Variants in SAE1 observed in about 807,000 individuals in gnomAD.
SAE1 encodes SUMO1 activating enzyme subunit 1, also known as SUMO-activating enzyme subunit 1.
Under a neutral mutation model 40.6 loss-of-function variants are expected in SAE1, and 11 were observed. The observed-to-expected ratio is 0.27, with a 90% CI of 0.17 to 0.45. SAE1 has a LOEUF of 0.45. Ranked by LOEUF, SAE1 falls within the 20% of genes least tolerant of loss-of-function variation. The pLI, the probability that SAE1 is intolerant of heterozygous loss-of-function variation, is 1.00. For synonymous variants in SAE1, 155 were observed against 154.3 expected, an observed-to-expected ratio of 1.00 and a Z score of -0.03; for missense variants, 373 against 427.3, an observed-to-expected ratio of 0.87 and a Z score of 1.12.
chr19:47,193,495 G>A (rs1600208429), intron 6 of SAE1, among the ~76,000 whole-genome samples: 2 of 152,074 alleles, frequency 1.3e-5, no homozygotes, highest in South Asian at 4.1e-4. Context: ...TGGGTGTTCT[G>A]GAGCTTTTTT....
intron 7 of SAE1, among the ~76,000 whole-genome samples, chr19:47,201,398 G>A: frequency 1.1e-5 from 1 of 90,580 alleles, no homozygotes; most frequent in Non-Finnish European, 1.9e-5. Context: ...TTGAATCAGA[G>A]TCTTGCTGTG....
chr19:47,143,057 T>C lies in SAE1; in HGVS notation c.99-437T>C, dbSNP rs1159830272. On this transcript the variant is annotated intron_variant, in intron 1 of 8. Transcript: ENST00000270225. The stretch of plus-strand genomic sequence containing the variant: ...TTTGTGCAGTATGGATTAGAGCCTG[T>C]CTCTTTCCTAGATTCGAGGTGTGAT... Among the ~76,000 whole-genome samples, 3 of 152,180 alleles carry C rather than the reference T, an allele frequency of 2.0e-5. No individual in the cohort carries two copies. In the East Asian group the frequency reaches 5.8e-4, roughly 29 times the overall value.
At chr19:47,146,029 A>G (rs192526228) in intron 2 of SAE1, among the ~76,000 whole-genome samples, 6 of 40,292 alleles carry the variant, frequency 1.5e-4, no homozygotes, top group Admixed American at 1.5e-3. Flanking sequence ...ATCTGAGCTA[A>G]GTCTTAAAGA....
chr19:47,147,597 C>T (rs1434516740), intron 2 of SAE1, among the ~76,000 whole-genome samples: 1 of 150,222 alleles, frequency 6.7e-6, no homozygotes, highest in Non-Finnish European at 1.5e-5. Context: ...GGATTACAGG[C>T]GTGTGCCACC....
chr19:47,154,112 C>T (rs372406837), intron 4 of SAE1, among the ~76,000 whole-genome samples: 4 of 151,534 alleles, frequency 2.6e-5, no homozygotes, highest in Middle Eastern at 3.4e-3. Flanking sequence ...ATTTTTGAGA[C>T]GGAGTTTTGC....
At chr19:47,138,682 A>G (rs1272835561) in intron 1 of SAE1, among the ~76,000 whole-genome samples, 3 of 152,100 alleles carry the variant, frequency 2.0e-5, no homozygotes, top group Non-Finnish European at 4.4e-5. Flanking sequence ...GGGGCAGTAA[A>G]CATATAAACA....
At chr19:47,167,458 T>G (rs1226896208) in intron 5 of SAE1, among the ~76,000 whole-genome samples, 4 of 151,760 alleles carry the variant, frequency 2.6e-5, no homozygotes, top group African/African-American at 9.7e-5. Context: ...GCCAGGATGG[T>G]CTCGATCTCC....
At chr19:47,138,545 G>A (rs1245679285) in intron 1 of SAE1, among the ~76,000 whole-genome samples, 8 of 152,226 alleles carry the variant, frequency 5.3e-5, no homozygotes, top group Non-Finnish European at 8.8e-5. Flanking sequence ...TCTGCTGATG[G>A]ACACAGGTTT....
At chr19:47,136,547 G>A (rs925096159) in intron 1 of SAE1, among the ~76,000 whole-genome samples, 16 of 142,986 alleles carry the variant, frequency 1.1e-4, no homozygotes, top group African/African-American at 4.2e-4. Context: ...CCAGACTGGA[G>A]TATGGTGGCG....
chr19:47,145,667 G>A (rs1319392015), intron 2 of SAE1, among the ~76,000 whole-genome samples: 1 of 152,070 alleles, frequency 6.6e-6, no homozygotes, highest in Admixed American at 6.6e-5. Context: ...TGCAACCTCT[G>A]CCTCCCGGGT....
At position 47,180,551 on chromosome 19, in the gene SAE1, A is replaced by C. The variant is rs1045912216; in HGVS notation, c.733+10628A>C. ...TTTCCTTATCAGATGCTTTTATGCTATGCCTGGTGGCTCACCCCTATAAAT... is the reference window on the plus strand; with the variant it reads ...TTTCCTTATCAGATGCTTTTATGCTCTGCCTGGTGGCTCACCCCTATAAAT... On this transcript the variant is annotated intron_variant, in intron 6 of 8. Coordinates refer to ENST00000270225, the MANE Select transcript of SAE1 (RefSeq NM_005500.3). Among the ~76,000 whole-genome samples the C allele has an allele frequency of 6.6e-5, 10 of 152,160 alleles. No homozygotes were observed. The South Asian group carries it at 1.7e-3, about 25-fold the overall frequency.
At chr19:47,188,552 G>A (rs1025747863) in intron 6 of SAE1, among the ~76,000 whole-genome samples, 4 of 152,182 alleles carry the variant, frequency 2.6e-5, no homozygotes, top group African/African-American at 4.8e-5. Context: ...TTTCTAGGGC[G>A]AGTGTGAGCT....
chr19:47,197,577 A>G (rs1248595836), intron 7 of SAE1, among the ~76,000 whole-genome samples, 200 bp downstream of exon 7: 4 of 152,326 alleles, frequency 2.6e-5, no homozygotes, highest in South Asian at 2.1e-4. Flanking sequence ...GATTTTTACA[A>G]TAAGTATCTT....
At chr19:47,153,078 C>A in intron 4 of SAE1, 38 bp downstream of exon 4, 1 of 1,529,626 alleles carries the variant, frequency 6.5e-7, no homozygotes, top group Non-Finnish European at 8.8e-7. Context: ...ATAACATTTT[C>A]TCCTTTTTAT....
At chr19:47,192,341 C>G (rs564118031) in intron 6 of SAE1, among the ~76,000 whole-genome samples, 1 of 152,082 alleles carries the variant, frequency 6.6e-6, no homozygotes, top group Admixed American at 6.5e-5. Flanking sequence ...ACCTCTGCCT[C>G]CTGGGTTTGA....
intron 2 of SAE1, among the ~76,000 whole-genome samples, chr19:47,147,232 C>T (rs55801246): frequency 0.14 from 13,780 of 98,228 alleles, 1,012 homozygotes; most frequent in Middle Eastern, 0.28. Flanking sequence ...TTTTTTGAGG[C>T]AGTCTCACTG....
intron 6 of SAE1, among the ~76,000 whole-genome samples, chr19:47,177,557 G>A (rs2058477883): frequency 6.6e-6 from 1 of 152,074 alleles, no homozygotes; most frequent in Admixed American, 6.6e-5. Flanking sequence ...GATTGGGGCA[G>A]GGAGGTCTTG....
chr19:47,158,264 G>A (rs2058336005), intron 5 of SAE1, among the ~76,000 whole-genome samples: 1 of 152,180 alleles, frequency 6.6e-6, no homozygotes, highest in African/African-American at 2.4e-5. Flanking sequence ...AAAACAGCCT[G>A]TGGTTTTCAC....
chr19:47,173,316 A>G (rs2058446952), intron 6 of SAE1, among the ~76,000 whole-genome samples: 1 of 152,038 alleles, frequency 6.6e-6, no homozygotes, highest in South Asian at 2.1e-4. Flanking sequence ...GTTCGGAACA[A>G]CCATGCACCA....
Sources: gnomAD v4.1 joint callset for allele counts (sites outside exome capture counted in the v4.1 genomes callset) on GRCh38, gnomAD v4.1.1 for gene constraint, MANE v1.5 for transcripts, NCBI Gene and HGNC (gene_info 2026-07-23, HGNC 2026-07-21) for gene names.